The following ENTREP2 variants were observed in gnomAD, a reference collection of about 807,000 sequenced individuals.
ENTREP2 encodes the protein endosomal transmembrane epsin interactor 2.
the ENTREP2 span, among the ~76,000 whole-genome samples, chr15:29,356,441 G>A: frequency 6.7e-6 from 1 of 149,512 alleles, no homozygotes; most frequent in Non-Finnish European, 1.5e-5. Flanking sequence ...GAGTAGCTGG[G>A]ACCACAGGCG....
the ENTREP2 span, among the ~76,000 whole-genome samples, chr15:29,453,014 C>T: frequency 6.6e-6 from 1 of 152,156 alleles, no homozygotes; most frequent in African/African-American, 2.4e-5. Flanking sequence ...AACGAGCAAA[C>T]ATGAAAGGAA....
chr15:29,479,341 G>A, the ENTREP2 span, among the ~76,000 whole-genome samples: 11 of 151,982 alleles, frequency 7.2e-5, no homozygotes, highest in African/African-American at 1.5e-4. Flanking sequence ...AGCAGATGCC[G>A]CTATGCTTCC....
At chr15:29,332,537 G>A in the ENTREP2 span, among the ~76,000 whole-genome samples, 1 of 152,180 alleles carries the variant, frequency 6.6e-6, no homozygotes, top group Non-Finnish European at 1.5e-5. Context: ...CTGCAGCCTG[G>A]GGTGCTGGCA....
the ENTREP2 span, among the ~76,000 whole-genome samples, chr15:29,436,538 T>C: frequency 6.6e-6 from 1 of 152,240 alleles, no homozygotes; most frequent in African/African-American, 2.4e-5. Context: ...GTATTACATA[T>C]TCAGTCGAGA....
At chr15:29,271,669 C>T in the ENTREP2 span, among the ~76,000 whole-genome samples, 2 of 152,132 alleles carry the variant, frequency 1.3e-5, no homozygotes, top group African/African-American at 4.8e-5. Context: ...TGTCACATAC[C>T]GCCTGCTTGC....
At chr15:29,346,905 C>A in the ENTREP2 span, among the ~76,000 whole-genome samples, 2 of 152,230 alleles carry the variant, frequency 1.3e-5, no homozygotes, top group African/African-American at 4.8e-5. Context: ...CTGATCAAAT[C>A]TAGTCCTCCC....
At chr15:29,541,701 GAAC>G in the ENTREP2 span, among the ~76,000 whole-genome samples, 1 of 152,174 alleles carries the variant, frequency 6.6e-6, no homozygotes, top group Admixed American at 6.5e-5. Context: ...AAATGGGAGG[GAAC>G]AGGCAGAGTT....
chr15:29,605,574 T>C, the ENTREP2 span, among the ~76,000 whole-genome samples: 1 of 152,200 alleles, frequency 6.6e-6, no homozygotes. Context: ...TGGTAGCACA[T>C]GCCTGTAATC....
At chr15:29,450,853 A>G in the ENTREP2 span, among the ~76,000 whole-genome samples, 4 of 152,246 alleles carry the variant, frequency 2.6e-5, no homozygotes, top group Admixed American at 6.5e-5. Context: ...ATGCAGGAAC[A>G]GAAAACCAAA....
At chr15:29,141,099 A>T in the ENTREP2 span, among the ~76,000 whole-genome samples, 1 of 152,132 alleles carries the variant, frequency 6.6e-6, no homozygotes, top group South Asian at 2.1e-4. Flanking sequence ...GTGATGGAGG[A>T]TGAGAACTAA....
chr15:29,131,114 C>A, the ENTREP2 span, among the ~76,000 whole-genome samples: 2 of 152,176 alleles, frequency 1.3e-5, no homozygotes, highest in African/African-American at 4.8e-5. Flanking sequence ...GGAAATTCTG[C>A]CCCATTCTGT....
the ENTREP2 span, among the ~76,000 whole-genome samples, chr15:29,316,425 G>A: frequency 1.3e-5 from 2 of 152,176 alleles, no homozygotes; most frequent in African/African-American, 4.8e-5. Flanking sequence ...ATTTGAACAT[G>A]AGGTATTTGA....
the ENTREP2 span, among the ~76,000 whole-genome samples, chr15:29,512,801 C>T: frequency 1.4e-4 from 21 of 152,240 alleles, no homozygotes; most frequent in South Asian, 4.1e-4. Context: ...GAGAGCAGCC[C>T]GAGCTGACTA....
the ENTREP2 span, among the ~76,000 whole-genome samples, chr15:29,630,846 C>T: frequency 1.3e-5 from 2 of 152,164 alleles, no homozygotes; most frequent in African/African-American, 2.4e-5. Context: ...CACCACCACG[C>T]TAATTTTTGT....
the ENTREP2 span, among the ~76,000 whole-genome samples, chr15:29,477,293 A>T: frequency 6.6e-6 from 1 of 152,188 alleles, no homozygotes; most frequent in Non-Finnish European, 1.5e-5. Flanking sequence ...CTTGAGGTGC[A>T]ACTGATGTTC....
chr15:29,571,262 G>C, the ENTREP2 span, among the ~76,000 whole-genome samples: 1 of 152,124 alleles, frequency 6.6e-6, no homozygotes, highest in Non-Finnish European at 1.5e-5. Flanking sequence ...CAAGGGCAAC[G>C]GCATCAGCCT....
At chr15:29,672,140 C>T in the ENTREP2 span, among the ~76,000 whole-genome samples, 46 of 152,322 alleles carry the variant, frequency 3.0e-4, 1 homozygote, top group African/African-American at 1.1e-3. Context: ...GCACACACCA[C>T]CATACCCGGC....
At chr15:29,504,852 C>A in the ENTREP2 span, among the ~76,000 whole-genome samples, 1 of 152,186 alleles carries the variant, frequency 6.6e-6, no homozygotes, top group Non-Finnish European at 1.5e-5. Flanking sequence ...CATGATGATA[C>A]CCAGGGCTGG....
At chr15:29,656,920 GACC>G in the ENTREP2 span, among the ~76,000 whole-genome samples, 71 of 152,252 alleles carry the variant, frequency 4.7e-4, no homozygotes, top group African/African-American at 1.7e-3. Flanking sequence ...AGCTTTTTAT[GACC>G]ACAAAACTCC....
Sources: gnomAD v4.1 joint callset for allele counts (sites outside exome capture counted in the v4.1 genomes callset) on GRCh38, gnomAD v4.1.1 for gene constraint, MANE v1.5 for transcripts, NCBI Gene and HGNC (gene_info 2026-07-23, HGNC 2026-07-21) for gene names.